The following FGF14 variants were observed in gnomAD, a reference collection of about 807,000 sequenced individuals.
FGF14 encodes fibroblast growth factor 14.
FGF14 carries 5 observed loss-of-function variants against 25.5 expected under a neutral mutation model. The observed-to-expected ratio is 0.20, with a 90% CI of 0.10 to 0.41. FGF14 has a LOEUF of 0.41. FGF14 is among the 10% of genes least tolerant of loss of function. FGF14 has a pLI of 1.00. For missense variants in FGF14, 222 were observed against 320.1 expected, an observed-to-expected ratio of 0.69 and a Z score of 2.34; for synonymous variants, 138 against 118.3, an observed-to-expected ratio of 1.17 and a Z score of -1.08.
chr13:102,362,865 T>A (rs991713760), intron 1 of FGF14, among the ~76,000 whole-genome samples: 2 of 152,104 alleles, frequency 1.3e-5, no homozygotes, highest in East Asian at 1.9e-4. Context: ...AAAATCAGAT[T>A]AAAATAATAA....
chr13:101,922,370 G>A (rs1042279228), intron 1 of FGF14, among the ~76,000 whole-genome samples: 75 of 152,254 alleles, frequency 4.9e-4, no homozygotes, highest in African/African-American at 1.7e-3. Context: ...AACAGTTTGA[G>A]TTCTGAATTT....
intron 1 of FGF14, among the ~76,000 whole-genome samples, chr13:101,992,311 C>G (rs1038986309): frequency 6.6e-6 from 1 of 152,046 alleles, no homozygotes; most frequent in Non-Finnish European, 1.5e-5. Flanking sequence ...CTAGAGGAAA[C>G]AGTAAACACA....
chr13:102,379,368 C>G (rs1244212820), intron 1 of FGF14, among the ~76,000 whole-genome samples: 4 of 151,862 alleles, frequency 2.6e-5, no homozygotes, highest in Non-Finnish European at 1.5e-5. Context: ...GTTTTATTCT[C>G]TACATTTGAT....
At chr13:102,208,848 A>C (rs534240705) in intron 1 of FGF14, among the ~76,000 whole-genome samples, 127 of 152,324 alleles carry the variant, frequency 8.3e-4, no homozygotes, top group African/African-American at 2.9e-3. Flanking sequence ...TTGAATATAG[A>C]TATTTCGTAA....
intron 1 of FGF14, among the ~76,000 whole-genome samples, chr13:102,356,343 A>T (rs2057417584): frequency 6.6e-6 from 1 of 152,228 alleles, no homozygotes; most frequent in African/African-American, 2.4e-5. Context: ...TCGCAAGAGA[A>T]GGATAACTCT....
At chr13:101,823,314 A>ACT (rs954275708) in intron 3 of FGF14, among the ~76,000 whole-genome samples, 10 of 147,948 alleles carry the variant, frequency 6.8e-5, no homozygotes, top group South Asian at 2.1e-4. Flanking sequence ...CTATTATTCT[A>ACT]CTCTCTCTCT....
intron 1 of FGF14, among the ~76,000 whole-genome samples, chr13:102,275,251 T>C (rs903126636): frequency 4.1e-5 from 4 of 98,680 alleles, no homozygotes; most frequent in Non-Finnish European, 5.8e-5. Flanking sequence ...TCTCTCTCTC[T>C]CTCTCTCTCT....
chr13:102,355,811 C>T (rs1177716636), intron 1 of FGF14, among the ~76,000 whole-genome samples: 5 of 151,950 alleles, frequency 3.3e-5, no homozygotes, highest in South Asian at 2.1e-4. Context: ...ATTCTTCCTT[C>T]GATTAATTTT....
chr13:101,884,537 C>T (rs2045891448), intron 1 of FGF14, among the ~76,000 whole-genome samples: 1 of 151,892 alleles, frequency 6.6e-6, no homozygotes, highest in African/African-American at 2.4e-5. Flanking sequence ...TAGAACAGAG[C>T]CTGTCATATA....
At chr13:102,132,447 T>C (rs1343437693) in intron 1 of FGF14, among the ~76,000 whole-genome samples, 1 of 151,954 alleles carries the variant, frequency 6.6e-6, no homozygotes, top group Non-Finnish European at 1.5e-5. Flanking sequence ...AATCTAGCAA[T>C]GTCATGTGAA....
At chr13:101,821,184 G>C (rs561020165) in intron 3 of FGF14, among the ~76,000 whole-genome samples, 1 of 152,086 alleles carries the variant, frequency 6.6e-6, no homozygotes, top group South Asian at 2.1e-4. Flanking sequence ...TCCTGACCTC[G>C]TGATCCACCC....
chr13:102,125,368 A>C (rs1034478196), intron 1 of FGF14, among the ~76,000 whole-genome samples: 3 of 152,216 alleles, frequency 2.0e-5, no homozygotes, highest in Non-Finnish European at 4.4e-5. Flanking sequence ...AGAGTCACTC[A>C]AAATATCTCA....
At chr13:102,287,045 T>A (rs1286725821) in intron 1 of FGF14, among the ~76,000 whole-genome samples, 1 of 152,076 alleles carries the variant, frequency 6.6e-6, no homozygotes, top group Non-Finnish European at 1.5e-5. Context: ...AGTTAATGGA[T>A]GCAGCACACC....
At chr13:101,878,624 A>G (rs2045530034) in intron 1 of FGF14, among the ~76,000 whole-genome samples, 1 of 152,180 alleles carries the variant, frequency 6.6e-6, no homozygotes, top group Non-Finnish European at 1.5e-5. Flanking sequence ...TTTTACATGG[A>G]TTTTGTGGTT....
At chr13:101,911,778 T>C (rs1028382467) in intron 1 of FGF14, among the ~76,000 whole-genome samples, 2 of 152,130 alleles carry the variant, frequency 1.3e-5, no homozygotes, top group African/African-American at 4.8e-5. Flanking sequence ...AATAAAATTA[T>C]AATTATCAAA....
At chr13:102,079,218 G>A (rs952364917) in intron 1 of FGF14, among the ~76,000 whole-genome samples, 5 of 152,010 alleles carry the variant, frequency 3.3e-5, no homozygotes, top group Admixed American at 2.0e-4. Context: ...CCATGCTCTC[G>A]TTTTTGTTAA....
At chr13:102,360,272 A>G (rs535926100) in intron 1 of FGF14, among the ~76,000 whole-genome samples, 4 of 152,316 alleles carry the variant, frequency 2.6e-5, no homozygotes. Flanking sequence ...CATAGCATAC[A>G]ATTTCCAGAT....
intron 1 of FGF14, among the ~76,000 whole-genome samples, chr13:101,952,613 T>G (rs1312043165): frequency 6.6e-6 from 1 of 152,168 alleles, no homozygotes; most frequent in Non-Finnish European, 1.5e-5. Context: ...ATAGAGCTCT[T>G]TTTTTCCCTG....
At chr13:102,126,755 G>A (rs2045966108) in intron 1 of FGF14, among the ~76,000 whole-genome samples, 1 of 152,176 alleles carries the variant, frequency 6.6e-6, no homozygotes, top group Admixed American at 6.5e-5. Context: ...TTTCCTGTAT[G>A]CCAGCATCTC....
Sources: allele counts gnomAD v4.1 joint callset (sites outside exome capture counted in the v4.1 genomes callset), GRCh38; gene constraint gnomAD v4.1.1; transcripts MANE v1.5; gene names NCBI Gene and HGNC (gene_info 2026-07-23, HGNC 2026-07-21).